Variants in ARHGEF10L observed in about 807,000 individuals in gnomAD.
ARHGEF10L encodes the protein Rho guanine nucleotide exchange factor 10 like.
In ARHGEF10L, 69 loss-of-function variants were observed where a neutral mutation model predicts 141.2. The observed-to-expected ratio is 0.49, with a 90% CI of 0.40 to 0.60. The LOEUF (loss-of-function observed/expected upper bound fraction) is 0.60, where lower values mean the gene tolerates loss of function less well. Among genes scored for constraint, ARHGEF10L ranks in the 20% least tolerant of loss-of-function variants. The pLI is 0.00. For synonymous variants in ARHGEF10L, 711 were observed against 718.5 expected (o/e 0.99, Z 0.17); for missense variants, 1,482 against 1,734.3 (o/e 0.85, Z 2.58).
At position 17,696,879 on chromosome 1, in the gene ARHGEF10L, TGG is replaced by T; in HGVS notation, c.3341_3342del (p.Gly1114AlafsTer15). On this transcript the variant is annotated frameshift_variant, in exon 29 of 29. Coordinates refer to ENST00000361221, the MANE Select transcript of ARHGEF10L (RefSeq NM_018125.4). LOFTEE classifies it high-confidence loss of function. ...GCATGGTCTCACTCAACGGGCACTG[TGG>T]GCCTGTGGCCTTCCTGGCTGTGGCT... ...KGMVSLNGHC[G>X]PVAFLAVATS... The T allele has an allele frequency of 1.9e-6, 3 of 1,591,044 alleles. No individual in the cohort carries two copies. The highest frequency in any genetic ancestry group is 2.6e-6 in the Non-Finnish European group (3 of 1,167,882).
chr1:17,571,231 C>T (rs560928298), intron 1 of ARHGEF10L, among the ~76,000 whole-genome samples: 13 of 152,036 alleles, frequency 8.6e-5, no homozygotes, highest in African/African-American at 2.9e-4. Context: ...TGGAGCGAGA[C>T]GTGAAAGAAG....
chr1:17,691,655 T>C (rs1349772670), intron 27 of ARHGEF10L, among the ~76,000 whole-genome samples: 1 of 152,160 alleles, frequency 6.6e-6, no homozygotes, highest in Non-Finnish European at 1.5e-5. Flanking sequence ...TATTTATTGA[T>C]TGTATACTAT....
intron 1 of ARHGEF10L, among the ~76,000 whole-genome samples, chr1:17,551,476 G>C (rs2100721795): frequency 6.6e-6 from 1 of 152,298 alleles, no homozygotes; most frequent in East Asian, 1.9e-4. Flanking sequence ...CCATGTCAGG[G>C]AGGGTGCAGG....
chr1:17,552,579 T>G (rs1426918441), intron 1 of ARHGEF10L, among the ~76,000 whole-genome samples: 6 of 111,082 alleles, frequency 5.4e-5, no homozygotes, highest in Non-Finnish European at 1.0e-4. Context: ...TCGTTTTTTT[T>G]TTTTTTTTTT....
At position 17,639,072 on chromosome 1, in the gene ARHGEF10L, C is replaced by T. The variant is rs2061181754; in HGVS notation, c.2171+383C>T. On this transcript the variant is annotated intron_variant, in intron 20 of 28. Transcript: ENST00000361221. This position sits in a 1 kb window ranked among gnomAD's most constrained non-coding sequence, Gnocchi z 4.3. ...GGACCCAGCCTCCCCCCAGCACCAC[C>T]TTAGCCCCAGAATGCCCACCACAGG... Among the ~76,000 whole-genome samples the T allele has an allele frequency of 1.3e-5, 2 of 152,178 alleles. No individual in the cohort carries two copies. Among genetic ancestry groups the T allele is most frequent in the Non-Finnish European group, 2.9e-5 (2 of 68,026 alleles).
rs1186759928 is a variant in ARHGEF10L, at chr1:17,644,062, T to C, written c.2272+3760T>C. On this transcript the variant is annotated intron_variant, in intron 21 of 28. Coordinates refer to ENST00000361221, the MANE Select transcript of ARHGEF10L (RefSeq NM_018125.4). The surrounding 1 kb of genome is among the most constrained non-coding windows in gnomAD (Gnocchi z 4.5). The stretch of plus-strand genomic sequence containing the variant: ...CTGCCTCTTACCCTCCCCGGGCCCT[T>C]GGAGCTCCTCCCACCCATGGCCCTT... Among the ~76,000 whole-genome samples, 1 of 152,166 alleles carries C rather than the reference T, an allele frequency of 6.6e-6. No individual in the cohort carries two copies. Among genetic ancestry groups the C allele is most frequent in the Admixed American group, 6.5e-5 (1 of 15,286 alleles).
At chr1:17,689,789 C>T (rs751170968) in intron 27 of ARHGEF10L, 8 of 455,680 alleles carry the variant, frequency 1.8e-5, no homozygotes, top group African/African-American at 1.6e-4. Flanking sequence ...ATCTCATGGG[C>T]TTTTAAAAAT....
At chr1:17,553,347 A>G (rs1169831239) in intron 1 of ARHGEF10L, among the ~76,000 whole-genome samples, 3 of 152,240 alleles carry the variant, frequency 2.0e-5, no homozygotes, top group Non-Finnish European at 4.4e-5. Context: ...CTAATAATTC[A>G]TAAGTGTAAG....
At position 17,602,108 on chromosome 1, in the gene ARHGEF10L, T is replaced by A; in HGVS notation, c.258-19T>A. ...GAGCCACCTCTGGACACCTCTGCAG[T>A]GCCATCTCTTGCCCGCAGGGTGCCA... On this transcript the variant is annotated intron_variant, in intron 4 of 28. Coordinates refer to ENST00000361221, the MANE Select transcript of ARHGEF10L (RefSeq NM_018125.4). 1 of 1,545,302 alleles carries A rather than the reference T, an allele frequency of 6.5e-7. No individual in the cohort carries two copies. Among genetic ancestry groups the A allele is most frequent in the Non-Finnish European group, 8.7e-7 (1 of 1,144,468 alleles).
chr1:17,688,861 C>T (rs927368597), intron 27 of ARHGEF10L, among the ~76,000 whole-genome samples: 1 of 152,174 alleles, frequency 6.6e-6, no homozygotes, highest in Non-Finnish European at 1.5e-5. Context: ...CTGGTTTCTG[C>T]TTCCCTCTAG....
chr1:17,685,959 A>G (rs1161812688), intron 26 of ARHGEF10L, among the ~76,000 whole-genome samples: 3 of 152,248 alleles, frequency 2.0e-5, no homozygotes, highest in Admixed American at 2.0e-4. Context: ...AAAAGCCAGA[A>G]AACTGGAAAA....
At chr1:17,540,684 C>T (rs564175588) in intron 1 of ARHGEF10L, among the ~76,000 whole-genome samples, 10 of 152,234 alleles carry the variant, frequency 6.6e-5, no homozygotes, top group African/African-American at 2.2e-4. Flanking sequence ...CTTCCTTTGG[C>T]CCTGAAAGCC....
intron 9 of ARHGEF10L, among the ~76,000 whole-genome samples, chr1:17,617,504 A>G (rs1415468275): frequency 1.3e-5 from 2 of 152,130 alleles, no homozygotes; most frequent in African/African-American, 4.8e-5. Context: ...CCCATCTCAC[A>G]TCTTTAGAGG....
chr1:17,656,067 G>A lies in ARHGEF10L; in HGVS notation c.2670G>A (p.Val890=). 1 of 1,560,540 alleles carries A rather than the reference G, an allele frequency of 6.4e-7. No individual in the cohort carries two copies. The highest frequency in any genetic ancestry group is 1.2e-5 in the South Asian group (1 of 84,640). ...CAGTTGCTGACCCCTCGGCCACGGTGCATCCAACCATCTGCCTCGGGCTCC... is the reference window on the plus strand; with the variant it reads ...CAGTTGCTGACCCCTCGGCCACGGTACATCCAACCATCTGCCTCGGGCTCC... ...SPTVADPSAT[V]HPTICLGLQD... Residue 890 remains valine, a synonymous_variant, in exon 24 of 29, where the codon GTG becomes GTA. Transcript: ENST00000361221. The surrounding 1 kb of genome is among the most constrained non-coding windows in gnomAD (Gnocchi z 4.9).
intron 1 of ARHGEF10L, among the ~76,000 whole-genome samples, chr1:17,553,712 C>T (rs2077198777): frequency 6.6e-6 from 1 of 152,108 alleles, no homozygotes; most frequent in South Asian, 2.1e-4. Context: ...TGGCTTGAGC[C>T]CAGGAGGTTG....
intron 14 of ARHGEF10L, among the ~76,000 whole-genome samples, chr1:17,626,796 A>T (rs1308020659): frequency 6.6e-6 from 1 of 152,096 alleles, no homozygotes; most frequent in Admixed American, 6.5e-5. Flanking sequence ...GGCAACCACC[A>T]TTCTACCCTG....
At chr1:17,579,571 G>A (rs1195958210) in intron 1 of ARHGEF10L, among the ~76,000 whole-genome samples, 4 of 152,226 alleles carry the variant, frequency 2.6e-5, no homozygotes, top group African/African-American at 9.6e-5. Flanking sequence ...CGTTGGCAAT[G>A]CAAGAATGTC....
chr1:17,615,170 A>C lies in ARHGEF10L; in HGVS notation c.727-924A>C, dbSNP rs1028409348. 3 of 152,264 alleles carry C rather than the reference A, an allele frequency of 2.0e-5. No homozygotes were observed. Among genetic ancestry groups the C allele is most frequent in the African/African-American group, 7.2e-5 (3 of 41,478 alleles). The allele number at this position is 152,264 out of a possible 1,614,324, so 9.4% of individuals were successfully genotyped here. The stretch of plus-strand genomic sequence containing the variant: ...GTGGCCCGTGGCTCCCATTTTGGAC[A>C]GGGCAGATACAGAGTGTTTCTGTCA... On this transcript the variant is annotated intron_variant, in intron 8 of 28. Coordinates refer to ENST00000361221, the MANE Select transcript of ARHGEF10L (RefSeq NM_018125.4). This position sits in a 1 kb window ranked among gnomAD's most constrained non-coding sequence, Gnocchi z 4.7.
chr1:17,697,486 T>C lies in ARHGEF10L; in HGVS notation c.*106T>C. 7.3e-7 allele frequency: 1 copy of C among 1,360,738 alleles called. No individual in the cohort carries two copies. The highest frequency in any genetic ancestry group is 9.7e-7 in the Non-Finnish European group (1 of 1,027,042). 84.3% of individuals were successfully genotyped at this position (1,360,738 alleles called of 1,614,324 possible). A position where few individuals can be genotyped will look rare whatever the true frequency, so the allele number is the denominator to read the frequency against. ...GGGACTTGTGGATGGGCCTGGACTC[T>C]CCAGAAACTACTTGGGCAGAGCAAA... On this transcript the variant is annotated 3_prime_UTR_variant, in exon 29 of 29. Transcript: ENST00000361221. This position sits in a 1 kb window ranked among gnomAD's most constrained non-coding sequence, Gnocchi z 4.8.
Sources: gnomAD v4.1 joint callset for allele counts (sites outside exome capture counted in the v4.1 genomes callset) on GRCh38, gnomAD v4.1.1 for gene constraint, Gnocchi (gnomAD v3.1) non-coding constraint, MANE v1.5 for transcripts, NCBI Gene and HGNC (gene_info 2026-07-23, HGNC 2026-07-21) for gene names.